FSTL5: variants seen among roughly 807,000 people sequenced by gnomAD.
FSTL5 encodes follistatin like 5, also known as follistatin-related protein 5.
Under a neutral mutation model 89.1 loss-of-function variants are expected in FSTL5, and 62 were observed. The ratio of observed to expected loss-of-function variants is 0.70; its 90% confidence interval spans 0.57 to 0.86. The LOEUF (loss-of-function observed/expected upper bound fraction) is 0.86. FSTL5 is among the 40% of genes least tolerant of loss of function. The pLI is 0.00. For missense variants in FSTL5, 1,057 were observed against 1,001.6 expected, an observed-to-expected ratio of 1.06 and a Z score of -0.75; for synonymous variants, 383 against 346.2, an observed-to-expected ratio of 1.11 and a Z score of -1.18.
At chr4:161,838,798 A>G (rs878915200) in intron 4 of FSTL5, among the ~76,000 whole-genome samples, 1 of 152,170 alleles carries the variant, frequency 6.6e-6, no homozygotes, top group East Asian at 1.9e-4. Context: ...ATCTAAGAGC[A>G]CATGGAATAC....
chr4:161,404,394 A>G (rs1046793555), intron 15 of FSTL5, among the ~76,000 whole-genome samples: 7 of 152,154 alleles, frequency 4.6e-5, no homozygotes, highest in Non-Finnish European at 8.8e-5. Context: ...GGCAGGACAC[A>G]TGTTCAATGA....
intron 1 of FSTL5, among the ~76,000 whole-genome samples, chr4:162,118,339 C>A (rs1037631032): frequency 3.3e-5 from 5 of 152,134 alleles, no homozygotes; most frequent in Non-Finnish European, 7.3e-5. Flanking sequence ...CGGCTCACTG[C>A]AAGCTCCGCC....
intron 6 of FSTL5, among the ~76,000 whole-genome samples, chr4:161,683,821 T>C (rs535124293): frequency 1.1e-3 from 161 of 152,174 alleles, no homozygotes; most frequent in Non-Finnish European, 2.0e-3. Context: ...TAGTGGTGAT[T>C]TGTCAGATTT....
chr4:161,620,603 C>T (rs1462484117), intron 7 of FSTL5, among the ~76,000 whole-genome samples: 1 of 152,084 alleles, frequency 6.6e-6, no homozygotes, highest in Non-Finnish European at 1.5e-5. Context: ...TTGAGATGAG[C>T]CGAGATCGCG....
intron 2 of FSTL5, among the ~76,000 whole-genome samples, chr4:162,102,583 A>C (rs1156412895): frequency 6.8e-6 from 1 of 146,314 alleles, no homozygotes; most frequent in Non-Finnish European, 1.5e-5. Context: ...TTATATATAT[A>C]AAATAGATAT....
chr4:162,149,026 C>A (rs1280195672), intron 1 of FSTL5, among the ~76,000 whole-genome samples: 3 of 152,132 alleles, frequency 2.0e-5, no homozygotes, highest in Non-Finnish European at 2.9e-5. Flanking sequence ...AAACCAAAAT[C>A]TTTTGTATGT....
At chr4:161,765,913 G>C (rs886436699) in intron 5 of FSTL5, among the ~76,000 whole-genome samples, 7 of 151,544 alleles carry the variant, frequency 4.6e-5, no homozygotes, top group African/African-American at 1.7e-4. Context: ...TCCTGCCTCA[G>C]CCTCCCCAGT....
At chr4:161,417,652 C>T (rs1056547765) in intron 15 of FSTL5, among the ~76,000 whole-genome samples, 1 of 152,152 alleles carries the variant, frequency 6.6e-6, no homozygotes, top group Non-Finnish European at 1.5e-5. Context: ...ACTACGTATC[C>T]CTCAGGGATC....
At chr4:161,754,719 C>A (rs1579069573) in intron 6 of FSTL5, among the ~76,000 whole-genome samples, 1 of 151,986 alleles carries the variant, frequency 6.6e-6, no homozygotes, top group South Asian at 2.1e-4. Context: ...AGTTTCATAA[C>A]CTAAGCAAAT....
At chr4:161,646,384 C>G (rs932938390) in intron 7 of FSTL5, among the ~76,000 whole-genome samples, 47 of 149,150 alleles carry the variant, frequency 3.2e-4, no homozygotes, top group African/African-American at 1.1e-3. Flanking sequence ...AGTTAGAAGC[C>G]TCAACTATTA....
At chr4:162,152,244 C>G (rs1733253068) in intron 1 of FSTL5, among the ~76,000 whole-genome samples, 1 of 152,114 alleles carries the variant, frequency 6.6e-6, no homozygotes, top group Non-Finnish European at 1.5e-5. Flanking sequence ...ACTTTAAATG[C>G]AAAGCATTTT....
At chr4:161,966,437 A>C (rs1735329334) in intron 3 of FSTL5, among the ~76,000 whole-genome samples, 1 of 152,140 alleles carries the variant, frequency 6.6e-6, no homozygotes, top group Admixed American at 6.6e-5. Context: ...GCTGAATTGC[A>C]TTCCTCAAAT....
chr4:162,028,808 A>G (rs1236450330), intron 3 of FSTL5, among the ~76,000 whole-genome samples: 1 of 152,120 alleles, frequency 6.6e-6, no homozygotes, highest in Non-Finnish European at 1.5e-5. Context: ...AATGTAATAT[A>G]GCTAATGGCT....
At chr4:161,505,286 A>G (rs1730437631) in intron 11 of FSTL5, among the ~76,000 whole-genome samples, 1 of 152,058 alleles carries the variant, frequency 6.6e-6, no homozygotes, top group Non-Finnish European at 1.5e-5. Context: ...GACTTTGGAG[A>G]TAACATTGTC....
At chr4:161,511,739 G>T (rs537692308) in intron 10 of FSTL5, among the ~76,000 whole-genome samples, 1 of 152,132 alleles carries the variant, frequency 6.6e-6, no homozygotes, top group African/African-American at 2.4e-5. Context: ...TAGGAGGAAA[G>T]AGAACATTGA....
At chr4:161,481,223 C>A in intron 12 of FSTL5, 54 bp from the exon 13 acceptor site, 2 of 1,357,928 alleles carry the variant, frequency 1.5e-6, no homozygotes, top group Middle Eastern at 3.7e-4. Context: ...TAACACATGC[C>A]TGACAATATC....
chr4:161,909,161 A>C (rs1364040437), intron 4 of FSTL5, among the ~76,000 whole-genome samples: 1 of 152,122 alleles, frequency 6.6e-6, no homozygotes, highest in African/African-American at 2.4e-5. Flanking sequence ...TAAAATTTCC[A>C]GGATGTAGAG....
chr4:161,453,153 T>C (rs1578985274), intron 15 of FSTL5, among the ~76,000 whole-genome samples: 1 of 152,290 alleles, frequency 6.6e-6, no homozygotes, highest in East Asian at 1.9e-4. Context: ...GTGAAACCAC[T>C]CCCAACTATA....
chr4:161,988,529 A>G (rs929241838), intron 3 of FSTL5, among the ~76,000 whole-genome samples: 2 of 152,170 alleles, frequency 1.3e-5, no homozygotes, highest in Non-Finnish European at 2.9e-5. Context: ...ACAATTTTCA[A>G]TTGAAGCTAG....
Sources: allele counts gnomAD v4.1 joint callset (sites outside exome capture counted in the v4.1 genomes callset), GRCh38; gene constraint gnomAD v4.1.1; transcripts MANE v1.5; gene names NCBI Gene and HGNC (gene_info 2026-07-23, HGNC 2026-07-21).